The following GFRA1 variants were observed in gnomAD, a reference collection of about 807,000 sequenced individuals.
GFRA1 encodes GDNF family receptor alpha-1.
GFRA1 carries 16 observed loss-of-function variants against 51.6 expected under a neutral mutation model. The ratio of observed to expected loss-of-function variants is 0.31; its 90% CI spans 0.21 to 0.47. GFRA1 has a LOEUF of 0.47. Ranked by LOEUF, GFRA1 falls within the 20% of genes least tolerant of loss-of-function variation. The pLI is 1.00. For synonymous variants in GFRA1, 270 were observed against 241.3 expected (o/e 1.12, Z -1.10); for missense variants, 530 against 594.3 (o/e 0.89, Z 1.13).
At chr10:116,148,929 A>G (rs959763375) in intron 5 of GFRA1, among the ~76,000 whole-genome samples, 1 of 152,140 alleles carries the variant, frequency 6.6e-6, no homozygotes, top group African/African-American at 2.4e-5. Context: ...CAAGCACCTT[A>G]TTTTTTAAAG....
At chr10:116,204,762 A>G (rs1036719637) in intron 5 of GFRA1, among the ~76,000 whole-genome samples, 2 of 152,212 alleles carry the variant, frequency 1.3e-5, no homozygotes, top group Non-Finnish European at 2.9e-5. Context: ...ATATTGATGT[A>G]AGTTATTGAA....
At chr10:116,238,892 C>T (rs1430844057) in intron 4 of GFRA1, among the ~76,000 whole-genome samples, 2 of 152,170 alleles carry the variant, frequency 1.3e-5, no homozygotes, top group Admixed American at 6.5e-5. Context: ...ATTAGCATAG[C>T]ATTTGCAATT....
At chr10:116,147,172 TAGAGATAGAAAA>T (rs1421924750) in intron 5 of GFRA1, among the ~76,000 whole-genome samples, 2 of 152,106 alleles carry the variant, frequency 1.3e-5, no homozygotes, top group African/African-American at 2.4e-5. Flanking sequence ...CATTAAGAGG[TAGAGATAGAAAA>T]AGAGATAGAA....
At chr10:116,154,130 G>A (rs2134149702) in intron 5 of GFRA1, among the ~76,000 whole-genome samples, 1 of 152,248 alleles carries the variant, frequency 6.6e-6, no homozygotes, top group East Asian at 1.9e-4. Context: ...ACAATCTGCT[G>A]GTGGGAGTGC....
chr10:116,228,630 G>A (rs531922308), intron 4 of GFRA1, among the ~76,000 whole-genome samples: 3 of 152,078 alleles, frequency 2.0e-5, no homozygotes, highest in Non-Finnish European at 4.4e-5. Flanking sequence ...GGTGAAAAAA[G>A]GGTCAGAGAG....
At chr10:116,121,081 G>C (rs1957622911) in intron 6 of GFRA1, among the ~76,000 whole-genome samples, 1 of 152,150 alleles carries the variant, frequency 6.6e-6, no homozygotes, top group African/African-American at 2.4e-5. Context: ...GAATAGCTGA[G>C]GTACCTGAGC....
At chr10:116,156,328 A>C (rs1959197834) in intron 5 of GFRA1, among the ~76,000 whole-genome samples, 1 of 152,236 alleles carries the variant, frequency 6.6e-6, no homozygotes, top group African/African-American at 2.4e-5. Context: ...TTATGGGTTT[A>C]AACGATTTTC....
chr10:116,074,148 G>T (rs1359048917), intron 9 of GFRA1, among the ~76,000 whole-genome samples: 1 of 152,126 alleles, frequency 6.6e-6, no homozygotes, highest in Non-Finnish European at 1.5e-5. Flanking sequence ...TTTCTGAGGG[G>T]TGTGCTCCCC....
chr10:116,222,280 C>G (rs1219486007), intron 4 of GFRA1, among the ~76,000 whole-genome samples: 1 of 152,110 alleles, frequency 6.6e-6, no homozygotes, highest in Non-Finnish European at 1.5e-5. Context: ...CTCACTGCAA[C>G]CTCCGTCTTC....
intron 4 of GFRA1, among the ~76,000 whole-genome samples, chr10:116,223,340 T>A (rs1225851825): frequency 6.6e-6 from 1 of 152,226 alleles, no homozygotes; most frequent in African/African-American, 2.4e-5. Flanking sequence ...ACACTCTATA[T>A]CACATAAATG....
chr10:116,206,578 C>G (rs10885877), intron 5 of GFRA1, among the ~76,000 whole-genome samples: 35,769 of 149,122 alleles, frequency 0.24, 5,008 homozygotes, highest in South Asian at 0.42. Flanking sequence ...GCTGATGTTT[C>G]AAAATGGCCA....
chr10:116,209,406 T>C (rs1421640014), intron 5 of GFRA1, among the ~76,000 whole-genome samples: 1 of 151,710 alleles, frequency 6.6e-6, no homozygotes, highest in Non-Finnish European at 1.5e-5. Flanking sequence ...CTGGGCAGAG[T>C]CCTCCCTCCC....
At chr10:116,127,810 T>C (rs980160722) in intron 5 of GFRA1, among the ~76,000 whole-genome samples, 2 of 152,240 alleles carry the variant, frequency 1.3e-5, no homozygotes, top group Non-Finnish European at 1.5e-5. Context: ...TTCTTGAAAG[T>C]CAACAGTTCT....
intron 5 of GFRA1, among the ~76,000 whole-genome samples, chr10:116,162,864 G>C (rs1282461494): frequency 8.5e-5 from 13 of 152,298 alleles, no homozygotes; most frequent in African/African-American, 2.9e-4. Flanking sequence ...GCCTGCCTTT[G>C]ACAGATGAGA....
chr10:116,265,400 C>T (rs1969581015), intron 4 of GFRA1, among the ~76,000 whole-genome samples: 1 of 152,178 alleles, frequency 6.6e-6, no homozygotes, highest in Admixed American at 6.5e-5. Context: ...AATCCAGTCT[C>T]CCAATCAATA....
intron 5 of GFRA1, among the ~76,000 whole-genome samples, chr10:116,157,989 C>G (rs1294186496): frequency 2.0e-5 from 3 of 152,160 alleles, no homozygotes; most frequent in African/African-American, 7.2e-5. Flanking sequence ...ACTCTTTAAG[C>G]CTGGTGGGTC....
chr10:116,213,685 C>A (rs2134454509), intron 4 of GFRA1, among the ~76,000 whole-genome samples: 1 of 152,242 alleles, frequency 6.6e-6, no homozygotes, highest in African/African-American at 2.4e-5. Flanking sequence ...ACCAAGGGTC[C>A]ATCAGTGGTG....
chr10:116,226,193 ACAGTCCCT>A, intron 4 of GFRA1, among the ~76,000 whole-genome samples: 1 of 152,202 alleles, frequency 6.6e-6, no homozygotes, highest in Non-Finnish European at 1.5e-5. Context: ...GGAGGCACAA[ACAGTCCCT>A]TGTTTGCTGC....
intron 7 of GFRA1, among the ~76,000 whole-genome samples, chr10:116,094,979 G>A (rs1042798239): frequency 6.6e-6 from 1 of 152,174 alleles, no homozygotes; most frequent in African/African-American, 2.4e-5. Context: ...TTGGGGAGGA[G>A]ATCCAGACCC....
Sources: gnomAD v4.1 joint callset for allele counts (sites outside exome capture counted in the v4.1 genomes callset) on GRCh38, gnomAD v4.1.1 for gene constraint, MANE v1.5 for transcripts, NCBI Gene and HGNC (gene_info 2026-07-23, HGNC 2026-07-21) for gene names.